Variants in CEP55 observed in about 807,000 individuals in gnomAD.
CEP55 encodes the protein centrosomal protein of 55 kDa.
Under a neutral mutation model 63.2 loss-of-function variants are expected in CEP55, and 57 were observed. The observed-to-expected ratio is 0.90, with a 90% CI of 0.73 to 1.13. The LOEUF (loss-of-function observed/expected upper bound fraction) is 1.13, where lower values mean the gene tolerates loss of function less well. Ranked by LOEUF, CEP55 falls within the 50% of genes most tolerant of loss-of-function variation. The pLI is 0.00. For missense variants in CEP55, 456 were observed against 518.9 expected (o/e 0.88, Z 1.18); for synonymous variants, 178 against 191.6 (o/e 0.93, Z 0.59).
intron 4 of CEP55, among the ~76,000 whole-genome samples, 169 bp downstream of exon 4, chr10:93,507,225 CT>C (rs137998042): frequency 6.6e-4 from 89 of 134,488 alleles, no homozygotes; most frequent in South Asian, 1.2e-3. Context: ...AGCATAGTCC[CT>C]TTTTTTTTTT....
chr10:93,508,753 A>T (rs971578579), intron 4 of CEP55, among the ~76,000 whole-genome samples: 1 of 152,098 alleles, frequency 6.6e-6, no homozygotes, highest in Non-Finnish European at 1.5e-5. Flanking sequence ...TTTTTATTTA[A>T]ATGCCACTTT....
rs1227080551 is a variant in CEP55 at position 93,528,219 on chromosome 10, T to G, written c.*66T>G. The G allele has an allele frequency of 1.3e-5, 18 of 1,395,578 alleles. No homozygotes were observed. The allele number at this position is 1,395,578 out of a possible 1,614,324, so 86.4% of individuals were successfully genotyped here. A position where few individuals can be genotyped will look rare whatever the true frequency, so the allele number is the denominator to read the frequency against. ...GTATTTTCTGTTAGCTTGTGGGCAT[T>G]TTGAATTATATATTTCACATTTTGC... On this transcript the variant is annotated 3_prime_UTR_variant, in exon 9 of 9. Coordinates refer to ENST00000371485, the MANE Select transcript of CEP55 (RefSeq NM_018131.5).
At chr10:93,497,875 T>C (rs2057589287) in intron 1 of CEP55, among the ~76,000 whole-genome samples, 1 of 151,484 alleles carries the variant, frequency 6.6e-6, no homozygotes, top group Non-Finnish European at 1.5e-5. Context: ...TCCCAGCACT[T>C]TGGGAGGCCG....
At position 93,500,093 on chromosome 10, in the gene CEP55, G is replaced by T; in HGVS notation, c.42G>T (p.Trp14Cys). 6.2e-7 allele frequency: 1 copy of T among 1,612,600 alleles called. No individual in the cohort carries two copies. The highest frequency in any genetic ancestry group is 1.1e-5 in the South Asian group (1 of 90,870). ...RSTKDLIKSK[W>C]GSKPSNSKSE... ...CCAAAGATTTAATTAAAAGTAAGTGGGGATCGAAGCCTAGTAACTCCAAAT... is the reference window on the plus strand; with the variant it reads ...CCAAAGATTTAATTAAAAGTAAGTGTGGATCGAAGCCTAGTAACTCCAAAT... Residue 14 changes from tryptophan to cysteine, a missense_variant, in exon 2 of 9, where the codon TGG becomes TGT. Physicochemically the swap from Trp to Cys is radical, Grantham distance 215. Transcript: ENST00000371485.
chr10:93,499,442 C>A (rs1233919198), intron 1 of CEP55, among the ~76,000 whole-genome samples: 1 of 151,326 alleles, frequency 6.6e-6, no homozygotes, highest in Admixed American at 6.6e-5. Flanking sequence ...TTTTTTAAAC[C>A]AAACTTTTCC....
Position 93,517,112 on chromosome 10 carries a change from A to G in CEP55, c.857A>G (p.Gln286Arg), listed in dbSNP as rs1210301114. 1.9e-6 allele frequency: 3 copies of G among 1,614,104 alleles called. No individual in the cohort carries two copies. The highest frequency in any genetic ancestry group is 2.5e-6 in the Non-Finnish European group (3 of 1,179,982). The change falls in exon 6 of 9, where the codon CAA (glutamine) becomes CGA (arginine). Residue 286 changes from glutamine to arginine, a missense_variant. Gln to Arg is a conservative substitution (Grantham distance 43). Coordinates refer to ENST00000371485, the MANE Select transcript of CEP55 (RefSeq NM_018131.5). ...VHNLNQLLYS[Q>R]RRADVQHLED... is the part of the protein sequence containing the mutation. ...AATTTAAATCAGCTGTTGTATTCACAAAGAAGGGCAGATGTGCAACATCTG... is the reference window on the plus strand; with the variant it reads ...AATTTAAATCAGCTGTTGTATTCACGAAGAAGGGCAGATGTGCAACATCTG...
At chr10:93,505,007 T>C (rs1347890497) in intron 3 of CEP55, among the ~76,000 whole-genome samples, 1 of 152,122 alleles carries the variant, frequency 6.6e-6, no homozygotes, top group Non-Finnish European at 1.5e-5. Context: ...AGACGGGGTT[T>C]CAACATGTTG....
Position 93,529,092 on chromosome 10 carries a change from A to G in CEP55, c.*939A>G, listed in dbSNP as rs896599054. The G allele has an allele frequency of 3.3e-5, 5 of 152,178 alleles. No homozygotes were observed. Among genetic ancestry groups the G allele is most frequent in the African/African-American group, 1.2e-4 (5 of 41,438 alleles). 9.4% of individuals were successfully genotyped at this position (152,178 alleles called of 1,614,324 possible). A position where few individuals can be genotyped will look rare whatever the true frequency, so the allele number is the denominator to read the frequency against. ...AAGAATAAAATTATTTAATGTTTTA[A>G]TATGTCTAGTGTATTCGTGTATATA... On this transcript the variant is annotated 3_prime_UTR_variant, in exon 9 of 9. Coordinates refer to ENST00000371485, the MANE Select transcript of CEP55 (RefSeq NM_018131.5).
chr10:93,515,182 G>A (rs2057791083), intron 4 of CEP55, among the ~76,000 whole-genome samples: 1 of 152,170 alleles, frequency 6.6e-6, no homozygotes, highest in African/African-American at 2.4e-5. Flanking sequence ...AAAGCAAGTT[G>A]TGTACTGAAA....
intron 8 of CEP55, among the ~76,000 whole-genome samples, chr10:93,524,580 C>T (rs2057900254): frequency 1.3e-5 from 2 of 152,214 alleles, no homozygotes; most frequent in Non-Finnish European, 2.9e-5. Flanking sequence ...TCCTCCCTAA[C>T]TCATTTTATG....
rs772522339 is a variant in CEP55 at position 93,503,079 on chromosome 10, C to A, written c.184-34C>A. ...TTGTTTAGCTAGATGTTTGACCTGG[C>A]TTTGTTCTAAGATTCTTCTTAGTTT... On this transcript the variant is annotated intron_variant, in intron 2 of 8. Transcript: ENST00000371485. The A allele has an allele frequency of 3.2e-6, 5 of 1,585,580 alleles. No individual in the cohort carries two copies. The South Asian group carries it at 5.7e-5, about 18-fold the overall frequency.
At chr10:93,514,388 A>C (rs1252877004) in intron 4 of CEP55, among the ~76,000 whole-genome samples, 1 of 152,198 alleles carries the variant, frequency 6.6e-6, no homozygotes, top group East Asian at 1.9e-4. Flanking sequence ...AGATCATATA[A>C]AGGATGAAAG....
chr10:93,511,376 C>T (rs2057746628), intron 4 of CEP55, among the ~76,000 whole-genome samples: 2 of 152,154 alleles, frequency 1.3e-5, no homozygotes, highest in African/African-American at 2.4e-5. Flanking sequence ...ATGTTTGACT[C>T]TAAAAACTCA....
At chr10:93,507,512 A>G (rs1014289967) in intron 4 of CEP55, among the ~76,000 whole-genome samples, 2 of 152,140 alleles carry the variant, frequency 1.3e-5, no homozygotes, top group East Asian at 1.9e-4. Context: ...GTGAGCTACC[A>G]TGCCCGGCAT....
rs536647524 is a variant in CEP55, at chr10:93,528,649, G to A, written c.*496G>A. The A allele has an allele frequency of 6.5e-6, 1 of 154,404 alleles. No homozygotes were observed. The highest frequency in any genetic ancestry group is 1.9e-4 in the East Asian group (1 of 5,222). 9.6% of individuals were successfully genotyped at this position (154,404 alleles called of 1,614,324 possible). A position where few individuals can be genotyped will look rare whatever the true frequency, so the allele number is the denominator to read the frequency against. ...ATTTTTTTTTTCATATTGTATAGCG[G>A]TTATTAGAAAAGTTGGGGATTTTCT... is the stretch of plus-strand genomic sequence containing the variant. On this transcript the variant is annotated 3_prime_UTR_variant, in exon 9 of 9. Coordinates refer to ENST00000371485, the MANE Select transcript of CEP55 (RefSeq NM_018131.5).
In CEP55 at chr10:93,516,951, G is replaced by C; in HGVS notation, c.696G>C (p.Glu232Asp). ...TTGTCATAGGTTATCTTCAAGAAGA[G>C]AAGCAGAAATGTTACAACGATCTCT... ...KPESEGYLQE[E>D]KQKCYNDLLA... Residue 232 changes from glutamate (E) to aspartate (D), a missense_variant, in exon 6 of 9, where the codon GAG becomes GAC. By Grantham distance (45) the Glu-to-Asp change is conservative. Transcript: ENST00000371485. The C allele has an allele frequency of 6.3e-7, 1 of 1,581,324 alleles. No homozygotes were observed. The highest frequency in any genetic ancestry group is 8.6e-7 in the Non-Finnish European group (1 of 1,161,090).
chr10:93,498,856 C>G (rs1278806457), intron 1 of CEP55, among the ~76,000 whole-genome samples: 1 of 151,156 alleles, frequency 6.6e-6, no homozygotes, highest in Non-Finnish European at 1.5e-5. Flanking sequence ...TATTAGGATA[C>G]CTGGTAAATA....
chr10:93,509,666 A>T (rs1185680606), intron 4 of CEP55, among the ~76,000 whole-genome samples: 1 of 151,944 alleles, frequency 6.6e-6, no homozygotes, highest in African/African-American at 2.4e-5. Flanking sequence ...TTGTACTTTT[A>T]GTAGAGACAG....
At chr10:93,519,931 C>G in intron 8 of CEP55, 124 bp downstream of exon 8, 8 of 1,040,436 alleles carry the variant, frequency 7.7e-6, no homozygotes, top group Non-Finnish European at 1.0e-5. Context: ...GTAGGTAGAG[C>G]CTCTGCCTCA....
Sources: allele counts gnomAD v4.1 joint callset (sites outside exome capture counted in the v4.1 genomes callset), GRCh38; gene constraint gnomAD v4.1.1; transcripts MANE v1.5; gene names NCBI Gene and HGNC (gene_info 2026-07-23, HGNC 2026-07-21).